Variants in SMS observed in about 807,000 individuals in gnomAD.
SMS encodes spermine synthase, also known as spermidine aminopropyltransferase.
Under a neutral mutation model 33.0 loss-of-function variants are expected in SMS, and 3 were observed. The ratio of observed to expected loss-of-function variants is 0.09; its 90% CI spans 0.04 to 0.23. The LOEUF (loss-of-function observed/expected upper bound fraction) is 0.23. SMS is among the 10% of genes least tolerant of loss of function. SMS has a pLI of 1.00. For missense variants in SMS, 117 were observed against 288.6 expected (o/e 0.41, Z 4.31); for synonymous variants, 103 against 112.2 (o/e 0.92, Z 0.52).
chrX:21,984,562 G>T, intron 8 of SMS, 144 bp downstream of exon 8: 1 of 494,421 alleles, frequency 2.0e-6, no homozygotes. Context: ...AAGATGACTG[G>T]ATTTGGCTTC....
At chrX:21,944,539 A>AAAAAAAAAAAAAAAAAAAAAAAAAAG (rs776946474) in intron 1 of SMS, among the ~76,000 whole-genome samples, 94 of 81,181 alleles carry the variant, frequency 1.2e-3, no homozygotes, top group Non-Finnish European at 1.6e-3. Context: ...AAAAAAAAAA[A>AAAAAAAAAAAAAAAAAAAAAAAAAAG]AAAAAAGAAA....
Position 21,972,005 on chromosome X carries a change from T to C in SMS, c.264+15T>C. Reference sequence around the variant, plus strand: ...AGATCGACAGTGTCGGTTTTTCACTTTCATTTACTCAGTGTTTAAGGATCA... The same window carrying C: ...AGATCGACAGTGTCGGTTTTTCACTCTCATTTACTCAGTGTTTAAGGATCA... On this transcript the variant is annotated intron_variant, in intron 3 of 10. Transcript: ENST00000404933. 2 of 1,063,226 alleles carry C rather than the reference T, an allele frequency of 1.9e-6. No homozygotes were observed. Among genetic ancestry groups the C allele is most frequent in the Non-Finnish European group, 2.6e-6 (2 of 759,700 alleles). 87.6% of individuals were successfully genotyped at this position (1,063,226 alleles called of 1,213,427 possible). A position where few individuals can be genotyped will look rare whatever the true frequency, so the allele number is the denominator to read the frequency against.
intron 1 of SMS, among the ~76,000 whole-genome samples, chrX:21,941,907 A>AC (rs1295949573): frequency 1.1e-5 from 1 of 93,018 alleles, no homozygotes; most frequent in East Asian, 4.0e-4. Context: ...AAAAAAAAAA[A>AC]AAAAAAAAAA....
chrX:21,985,504 G>T (rs968216338), intron 9 of SMS, among the ~76,000 whole-genome samples: 2 of 111,460 alleles, frequency 1.8e-5, no homozygotes, highest in Non-Finnish European at 3.8e-5. Context: ...TGATGACAAA[G>T]CTCTGGCTGT....
chrX:21,945,856 C>T (rs186723929), intron 1 of SMS, among the ~76,000 whole-genome samples: 31 of 110,965 alleles, frequency 2.8e-4, no homozygotes, highest in African/African-American at 8.9e-4. Context: ...AACTCCTGAC[C>T]TCATGATCCA....
Position 21,962,157 on chromosome X carries a change from A to G in SMS, c.50-5039A>G, listed in dbSNP as rs1300768164. Among the ~76,000 whole-genome samples, 7 of 111,827 alleles carry G rather than the reference A, an allele frequency of 6.3e-5. No individual in the cohort carries two copies. The Admixed American group carries it at 6.6e-4, about 11-fold the overall frequency. On this transcript the variant is annotated intron_variant, in intron 1 of 10. Coordinates refer to ENST00000404933, the MANE Select transcript of SMS (RefSeq NM_004595.5). Reference sequence around the variant, plus strand: ...GGGTCTTTTATTGACAAGCAAGGGCATTCCTGACATTTAGTGGGTATGGCT... The same window carrying G: ...GGGTCTTTTATTGACAAGCAAGGGCGTTCCTGACATTTAGTGGGTATGGCT...
chrX:21,984,997 A>G, intron 8 of SMS, 147 bp from the exon 9 acceptor site: 1 of 436,717 alleles, frequency 2.3e-6, no homozygotes, highest in Non-Finnish European at 4.2e-6. Flanking sequence ...ATTATCGTTC[A>G]TGAACAAGCT....
chrX:21,965,584 CAAAAAAA>C (rs372094407), intron 1 of SMS, among the ~76,000 whole-genome samples: 1 of 60,642 alleles, frequency 1.6e-5, no homozygotes, highest in Non-Finnish European at 2.6e-5. Flanking sequence ...ACTACAAATA[CAAAAAAA>C]AAAAAAAAAA....
Position 21,962,947 on chromosome X carries a change from G to T in SMS, c.50-4249G>T, listed in dbSNP as rs777558310. On this transcript the variant is annotated intron_variant, in intron 1 of 10. Transcript: ENST00000404933. ...TGGGATTACAGGCATGAAACACCAT[G>T]CCTGGCCTCCCTGGGTGAATGAAAA... is the stretch of plus-strand genomic sequence containing the variant. 6.3e-5 allele frequency among the ~76,000 whole-genome samples: 7 copies of T among 111,595 alleles called. No individual in the cohort carries two copies. In the South Asian group the frequency reaches 2.3e-3, roughly 36 times the overall value.
At chrX:21,946,140 G>C (rs1253840293) in intron 1 of SMS, among the ~76,000 whole-genome samples, 1 of 112,456 alleles carries the variant, frequency 8.9e-6, no homozygotes, top group African/African-American at 3.2e-5. Context: ...GTGAAAATAA[G>C]TCTGTGTGTT....
At chrX:21,972,593 C>T in intron 4 of SMS, 22 bp downstream of exon 4, 2 of 1,072,080 alleles carry the variant, frequency 1.9e-6, no homozygotes, top group Non-Finnish European at 2.6e-6. Context: ...CTTGAATGTC[C>T]TTTTATATTT....
At chrX:21,985,291 C>G in intron 9 of SMS, 68 bp downstream of exon 9, 3 of 653,447 alleles carry the variant, frequency 4.6e-6, no homozygotes, top group Non-Finnish European at 7.6e-6. Flanking sequence ...TCTGAATGCA[C>G]ATTTTTGAAA....
chrX:21,963,378 G>A (rs1245280035), intron 1 of SMS, among the ~76,000 whole-genome samples: 2 of 112,211 alleles, frequency 1.8e-5, no homozygotes, highest in South Asian at 3.7e-4. Flanking sequence ...GGGACCAGGC[G>A]GCCGCACAAA....
intron 1 of SMS, among the ~76,000 whole-genome samples, chrX:21,951,950 C>A (rs6629443): frequency 0.41 from 45,848 of 110,547 alleles, 8,596 homozygotes; most frequent in African/African-American, 0.72. Context: ...GATACTGTCA[C>A]AAGTAGATAA....
chrX:21,940,914 C>T, intron 1 of SMS, 41 bp downstream of exon 1: 1 of 959,032 alleles, frequency 1.0e-6, no homozygotes. Flanking sequence ...ATCCCCGCCG[C>T]TCCCGCCGCC....
chrX:21,979,731 G>A (rs1037289222), intron 7 of SMS, among the ~76,000 whole-genome samples: 15 of 110,031 alleles, frequency 1.4e-4, no homozygotes, highest in African/African-American at 3.6e-4. Context: ...TAATGTGATC[G>A]CTGGGTCAAA....
chrX:21,940,906 CCCCGCCGCT>C (rs1167733686), intron 1 of SMS, 33 bp downstream of exon 1: 9 of 991,548 alleles, frequency 9.1e-6, no homozygotes, highest in Admixed American at 3.3e-5. Flanking sequence ...GCGTGGCCAT[CCCCGCCGCT>C]CCCGCCGCCT....
intron 1 of SMS, among the ~76,000 whole-genome samples, chrX:21,965,814 G>C (rs761457308): frequency 5.2e-4 from 57 of 110,555 alleles, no homozygotes; most frequent in Non-Finnish European, 9.3e-4. Context: ...AAATTAGTTG[G>C]GCATGGTGGT....
intron 2 of SMS, among the ~76,000 whole-genome samples, chrX:21,967,798 C>T (rs551524622): frequency 8.9e-6 from 1 of 112,486 alleles, no homozygotes; most frequent in African/African-American, 3.2e-5. Flanking sequence ...CCGCTCTTGG[C>T]GGGGACTTTA....
Sources: allele counts gnomAD v4.1 joint callset (sites outside exome capture counted in the v4.1 genomes callset), GRCh38; gene constraint gnomAD v4.1.1; transcripts MANE v1.5; gene names NCBI Gene and HGNC (gene_info 2026-07-23, HGNC 2026-07-21).